Variants in PRKAR1B observed in about 807,000 individuals in gnomAD.
The protein encoded by PRKAR1B is protein kinase cAMP-dependent type I regulatory subunit beta.
A neutral mutation model predicts 46.5 loss-of-function variants in PRKAR1B; 22 were observed. That is an observed-to-expected ratio of 0.47 (90% CI 0.34 to 0.68). The LOEUF (loss-of-function observed/expected upper bound fraction) is 0.68. Among genes scored for constraint, PRKAR1B ranks in the 30% least tolerant of loss-of-function variants. The pLI is 0.01. For synonymous variants in PRKAR1B, 259 were observed against 217.7 expected, an observed-to-expected ratio of 1.19 and a Z score of -1.67; for missense variants, 445 against 535.6, an observed-to-expected ratio of 0.83 and a Z score of 1.67.
chr7:711,313 G>A lies in PRKAR1B; in HGVS notation c.177+16C>T, dbSNP rs368933951. Reference sequence around the variant, plus strand: ...ACACGTGCGAAGGGAAGCAGCGGGCGGCGGGGGCCACTCACCTTCTCCAGC... The same window carrying A: ...ACACGTGCGAAGGGAAGCAGCGGGCAGCGGGGGCCACTCACCTTCTCCAGC... On this transcript the variant is annotated intron_variant, in intron 2 of 10. Transcript: ENST00000537384. 14 of 1,613,692 alleles carry A rather than the reference G, an allele frequency of 8.7e-6. No individual in the cohort carries two copies. The African/African-American group carries it at 1.6e-4, about 18-fold the overall frequency.
chr7:625,784 T>C (rs1250985729), intron 4 of PRKAR1B, among the ~76,000 whole-genome samples: 1 of 151,926 alleles, frequency 6.6e-6, no homozygotes, highest in Non-Finnish European at 1.5e-5. Flanking sequence ...AGGCAGGAGA[T>C]CACCTGAGGT....
intron 4 of PRKAR1B, among the ~76,000 whole-genome samples, chr7:635,479 C>T (rs970347961): frequency 6.6e-6 from 1 of 152,208 alleles, no homozygotes; most frequent in Non-Finnish European, 1.5e-5. Flanking sequence ...CAGGGAGCGT[C>T]CCCAACACTG....
chr7:708,947 C>T (rs1780471372), intron 2 of PRKAR1B, among the ~76,000 whole-genome samples: 1 of 151,484 alleles, frequency 6.6e-6, no homozygotes, highest in Non-Finnish European at 1.5e-5. Flanking sequence ...TGCGTGCCAC[C>T]ACACCCGGCT....
At chr7:576,954 T>TTCCAACGCCATCAGCGGCCTCG (rs1438133472) in intron 9 of PRKAR1B, among the ~76,000 whole-genome samples, 7 of 150,940 alleles carry the variant, frequency 4.6e-5, no homozygotes, top group Admixed American at 2.0e-4. Context: ...GGTGAGCATC[T>TTCCAACGCCATCAGCGGCCTCG]TCCAACGCCA....
rs1255328948 is a variant in PRKAR1B, at chr7:680,573, C to T, written c.331G>A (p.Val111Met). 5 of 1,603,156 alleles carry T rather than the reference C, an allele frequency of 3.1e-6. No individual in the cohort carries two copies. The highest frequency in any genetic ancestry group is 1.1e-5 in the South Asian group (1 of 90,878). ...AGCCTCACCTTCCTGACGTAGGACA[C>T]GGCGTCCTCCTCGGTGTACACCTCG... ...SAEVYTEEDA[V>M]SYVRKVIPKD... The change falls in exon 3 of 11, where the codon GTG (valine) becomes ATG (methionine). Residue 111 changes from valine to methionine, a missense_variant. By Grantham distance (21) the Val-to-Met change is conservative. This residue lies in a region of PRKAR1B where 94 missense variants were observed against 126.9 expected (regional missense o/e 0.74). Coordinates refer to ENST00000537384, the MANE Select transcript of PRKAR1B (RefSeq NM_001164760.2).
At chr7:676,986 G>C (rs1377010498) in intron 4 of PRKAR1B, among the ~76,000 whole-genome samples, 1 of 151,050 alleles carries the variant, frequency 6.6e-6, no homozygotes, top group African/African-American at 2.4e-5. Context: ...GCAAGCAATG[G>C]GGCCTGCCCA....
At chr7:670,990 G>A (rs1181971654) in intron 4 of PRKAR1B, among the ~76,000 whole-genome samples, 4 of 152,212 alleles carry the variant, frequency 2.6e-5, no homozygotes, top group African/African-American at 7.2e-5. Context: ...TCCCGACCTC[G>A]GCGCTCTCAG....
At chr7:554,661 A>C (rs2128420614) in intron 9 of PRKAR1B, among the ~76,000 whole-genome samples, 2 of 148,816 alleles carry the variant, frequency 1.3e-5, no homozygotes, top group East Asian at 3.9e-4. Flanking sequence ...CAGAGCCAGA[A>C]GACAGGGGAG....
chr7:638,970 C>T (rs578248884), intron 4 of PRKAR1B, among the ~76,000 whole-genome samples: 3 of 152,078 alleles, frequency 2.0e-5, no homozygotes, highest in South Asian at 2.1e-4. Flanking sequence ...CCCAGCTACT[C>T]GGGAGACTGA....
intron 9 of PRKAR1B, among the ~76,000 whole-genome samples, chr7:575,926 C>G (rs1345357475): frequency 6.6e-6 from 1 of 152,232 alleles, no homozygotes; most frequent in Non-Finnish European, 1.5e-5. Context: ...ATCCTCTCCT[C>G]TGCTCACGGG....
At chr7:618,734 T>C (rs1782961551) in intron 4 of PRKAR1B, among the ~76,000 whole-genome samples, 1 of 152,238 alleles carries the variant, frequency 6.6e-6, no homozygotes, top group Non-Finnish European at 1.5e-5. Context: ...TCATATCCTG[T>C]GCCCATCTTG....
intron 4 of PRKAR1B, among the ~76,000 whole-genome samples, chr7:675,157 G>T (rs1786508323): frequency 6.6e-6 from 1 of 152,210 alleles, no homozygotes; most frequent in South Asian, 2.1e-4. Context: ...CTTGGCAAAG[G>T]CAGCAGTTCA....
At chr7:713,793 A>G (rs1417093000) in intron 1 of PRKAR1B, among the ~76,000 whole-genome samples, 1 of 152,176 alleles carries the variant, frequency 6.6e-6, no homozygotes, top group Admixed American at 6.5e-5. Context: ...CAGGGCTGAC[A>G]TTGCCTCAGC....
intron 4 of PRKAR1B, among the ~76,000 whole-genome samples, chr7:670,971 C>A (rs909675730): frequency 6.6e-6 from 1 of 152,246 alleles, no homozygotes; most frequent in African/African-American, 2.4e-5. Context: ...CCATCTTCAG[C>A]CAGAGCTTTC....
chr7:691,513 C>A, intron 2 of PRKAR1B: 1 of 1,304,466 alleles, frequency 7.7e-7, no homozygotes. Flanking sequence ...CCAGGGAGAG[C>A]AAATGAAGAG....
chr7:584,664 T>A, intron 7 of PRKAR1B, 96 bp from the exon 8 acceptor site: 2 of 1,047,092 alleles, frequency 1.9e-6, no homozygotes, highest in Non-Finnish European at 2.9e-6. Context: ...TCTCAACTTT[T>A]AAATGAGACC....
chr7:550,954 C>T (rs1467532935), intron 10 of PRKAR1B, among the ~76,000 whole-genome samples: 1 of 150,194 alleles, frequency 6.7e-6, no homozygotes, highest in Non-Finnish European at 1.5e-5. Flanking sequence ...CCCAGACCCC[C>T]AGCTGCAGGA....
intron 4 of PRKAR1B, among the ~76,000 whole-genome samples, chr7:620,020 T>TC (rs941847736): frequency 6.9e-6 from 1 of 145,702 alleles, no homozygotes; most frequent in African/African-American, 2.5e-5. Flanking sequence ...CCAGCTACTT[T>TC]TTTTTTTTTT....
chr7:634,902 A>C (rs970739483), intron 4 of PRKAR1B, among the ~76,000 whole-genome samples: 1 of 152,102 alleles, frequency 6.6e-6, no homozygotes, highest in African/African-American at 2.4e-5. Context: ...AGCCTCCCAA[A>C]GTGCTGGGAT....
Sources: gnomAD v4.1 joint callset for allele counts (sites outside exome capture counted in the v4.1 genomes callset) on GRCh38, gnomAD v4.1.1 for gene constraint, gnomAD v4.1.1 regional missense constraint, MANE v1.5 for transcripts, NCBI Gene and HGNC (gene_info 2026-07-23, HGNC 2026-07-21) for gene names.